The following KHDRBS2 variants were observed in gnomAD, a reference collection of about 807,000 sequenced individuals.
The protein encoded by KHDRBS2 is KH domain-containing, RNA-binding, signal transduction-associated protein 2.
KHDRBS2 carries 26 observed loss-of-function variants against 44.3 expected under a neutral mutation model. That is an observed-to-expected ratio of 0.59 (90% CI 0.43 to 0.81). The LOEUF (loss-of-function observed/expected upper bound fraction) is 0.81. Among genes scored for constraint, KHDRBS2 ranks in the 40% least tolerant of loss-of-function variants. KHDRBS2 has a pLI of 0.00. For synonymous variants in KHDRBS2, 194 were observed against 151.1 expected, an observed-to-expected ratio of 1.28 and a Z score of -2.08; for missense variants, 476 against 433.1, an observed-to-expected ratio of 1.10 and a Z score of -0.88.
chr6:61,579,279 C>T, the KHDRBS2 span, among the ~76,000 whole-genome samples: 1 of 152,076 alleles, frequency 6.6e-6, no homozygotes, highest in African/African-American at 2.4e-5. Flanking sequence ...ATTTGGACTC[C>T]GTGTCTGGAA....
rs370455245 is a variant in KHDRBS2, at chr6:62,051,713, G to C, written c.220-3719C>G. ...ACTGGAACAACAGCCTCTGGATTGGGAACAAAAGATATTTGCAAAGCACAC... is the reference window on the plus strand; with the variant it reads ...ACTGGAACAACAGCCTCTGGATTGGCAACAAAAGATATTTGCAAAGCACAC... On this transcript the variant is annotated intron_variant, in intron 2 of 8. Transcript: ENST00000281156. Among the ~76,000 whole-genome samples the C allele has an allele frequency of 1.5e-3, 222 of 151,984 alleles. 1 individual carries two copies. The highest frequency in any genetic ancestry group is 5.0e-3 in the African/African-American group (208 of 41,506).
At chr6:62,275,186 A>G (rs921758348) in intron 1 of KHDRBS2, among the ~76,000 whole-genome samples, 14 of 152,140 alleles carry the variant, frequency 9.2e-5, no homozygotes, top group African/African-American at 3.4e-4. Flanking sequence ...AGATGACACA[A>G]TATCCAATCT....
intron 4 of KHDRBS2, among the ~76,000 whole-genome samples, chr6:61,916,965 A>ATTTTTTTTTTTTTTTTTTTTTTTTTT (rs10700035): frequency 1.1e-5 from 1 of 90,642 alleles, no homozygotes; most frequent in Non-Finnish European, 2.1e-5. Context: ...GGAACTCTGT[A>ATTTTTTTTTTTTTTTTTTTTTTTTTT]TTTTTTTTTT....
intron 6 of KHDRBS2, among the ~76,000 whole-genome samples, chr6:61,743,803 C>T (rs542223113): frequency 2.0e-4 from 30 of 146,958 alleles, no homozygotes; most frequent in Non-Finnish European, 2.8e-4. Flanking sequence ...CAACAGTCCC[C>T]GGTGTGTGAT....
At chr6:62,174,768 G>C (rs1349193324) in intron 2 of KHDRBS2, among the ~76,000 whole-genome samples, 1 of 151,772 alleles carries the variant, frequency 6.6e-6, no homozygotes, top group African/African-American at 2.4e-5. Flanking sequence ...GGTTCTGAGA[G>C]AAAGCTGTAT....
chr6:62,180,411 A>G (rs1025700711), intron 1 of KHDRBS2, among the ~76,000 whole-genome samples: 35 of 151,904 alleles, frequency 2.3e-4, no homozygotes, highest in Admixed American at 3.3e-4. Flanking sequence ...CAAACTATCC[A>G]AAAAAGAAAT....
intron 4 of KHDRBS2, among the ~76,000 whole-genome samples, chr6:61,937,027 C>A (rs1183074767): frequency 6.6e-6 from 1 of 151,904 alleles, no homozygotes; most frequent in Admixed American, 6.6e-5. Flanking sequence ...AAATTGGCCC[C>A]ATTTTCTTGA....
chr6:62,125,533 T>C (rs548869936), intron 2 of KHDRBS2, among the ~76,000 whole-genome samples: 42 of 152,248 alleles, frequency 2.8e-4, no homozygotes, highest in African/African-American at 9.4e-4. Context: ...AAGGTAGTGC[T>C]TGCACCACCC....
At chr6:61,775,897 A>C (rs910529522) in intron 6 of KHDRBS2, among the ~76,000 whole-genome samples, 10 of 152,236 alleles carry the variant, frequency 6.6e-5, no homozygotes, top group African/African-American at 2.4e-4. Flanking sequence ...AATATACTAC[A>C]AGGCCACAGT....
chr6:61,572,801 C>T, the KHDRBS2 span, among the ~76,000 whole-genome samples: 3 of 152,042 alleles, frequency 2.0e-5, no homozygotes, highest in African/African-American at 7.2e-5. Context: ...GCAAAATTGG[C>T]ACAGAAGGGA....
chr6:61,898,912 A>G (rs1803431670), intron 5 of KHDRBS2, among the ~76,000 whole-genome samples: 1 of 151,984 alleles, frequency 6.6e-6, no homozygotes, highest in African/African-American at 2.4e-5. Context: ...TTCTTGATTG[A>G]AAATTATTGG....
rs543063080 is a variant in KHDRBS2 at position 62,264,053 on chromosome 6, C to T, written c.91+21805G>A. ...TGAAAACATCAACCAGATATTATTT[C>T]TCATTTGACGTCAACCTGCCTTTAT... On this transcript the variant is annotated intron_variant, in intron 1 of 8. Transcript: ENST00000281156. Among the ~76,000 whole-genome samples, 335 of 151,792 alleles carry T rather than the reference C, an allele frequency of 2.2e-3. 2 individuals are homozygous for T. The highest frequency in any genetic ancestry group is 2.3e-3 in the Non-Finnish European group (154 of 67,760).
At chr6:62,103,202 T>A (rs1802300601) in intron 2 of KHDRBS2, among the ~76,000 whole-genome samples, 1 of 152,102 alleles carries the variant, frequency 6.6e-6, no homozygotes, top group Non-Finnish European at 1.5e-5. Flanking sequence ...CAGTCATCCC[T>A]GACTTGAAGA....
intron 3 of KHDRBS2, among the ~76,000 whole-genome samples, chr6:61,992,422 C>A (rs377006258): frequency 2.6e-5 from 4 of 152,132 alleles, no homozygotes; most frequent in East Asian, 3.9e-4. Flanking sequence ...TAGCTAGACT[C>A]CACAGACTCA....
At chr6:62,019,750 C>A (rs957315482) in intron 3 of KHDRBS2, among the ~76,000 whole-genome samples, 1 of 151,870 alleles carries the variant, frequency 6.6e-6, no homozygotes. Flanking sequence ...ACTTGCTTTT[C>A]TTTTTATATC....
At chr6:62,008,441 A>T (rs1028910775) in intron 3 of KHDRBS2, among the ~76,000 whole-genome samples, 3 of 152,194 alleles carry the variant, frequency 2.0e-5, no homozygotes, top group Non-Finnish European at 4.4e-5. Flanking sequence ...TAACTTTTAG[A>T]ATAATGCTCA....
At chr6:61,596,089 T>C in the KHDRBS2 span, among the ~76,000 whole-genome samples, 2 of 152,064 alleles carry the variant, frequency 1.3e-5, no homozygotes, top group Non-Finnish European at 2.9e-5. Flanking sequence ...GTGACCCAGG[T>C]GCTGTAGACA....
intron 2 of KHDRBS2, among the ~76,000 whole-genome samples, chr6:62,103,287 G>A (rs1392314515): frequency 1.3e-5 from 2 of 152,092 alleles, no homozygotes; most frequent in East Asian, 3.9e-4. Context: ...CATGTAGTCT[G>A]CTGGGCCCCG....
At chr6:62,006,335 T>A (rs867915690) in intron 3 of KHDRBS2, among the ~76,000 whole-genome samples, 3 of 151,994 alleles carry the variant, frequency 2.0e-5, no homozygotes, top group Admixed American at 6.6e-5. Context: ...CAAAAATGAA[T>A]CTTGTAAGAC....
Sources: gnomAD v4.1 joint callset for allele counts (sites outside exome capture counted in the v4.1 genomes callset) on GRCh38, gnomAD v4.1.1 for gene constraint, MANE v1.5 for transcripts, NCBI Gene and HGNC (gene_info 2026-07-23, HGNC 2026-07-21) for gene names.